Variants in DAB1 observed in about 807,000 individuals in gnomAD.
The protein encoded by DAB1 is disabled homolog 1.
Under a neutral mutation model 64.6 loss-of-function variants are expected in DAB1, and 15 were observed. That is an observed-to-expected ratio of 0.23 (90% CI 0.16 to 0.36). DAB1 has a LOEUF of 0.36. Ranked by LOEUF, DAB1 falls within the 10% of genes least tolerant of loss-of-function variation. DAB1 has a pLI of 1.00. For missense variants in DAB1, 596 were observed against 706.7 expected (o/e 0.84, Z 1.78); for synonymous variants, 235 against 251.9 (o/e 0.93, Z 0.64).
At chr1:58,542,101 C>T (rs755617281) in intron 1 of DAB1, among the ~76,000 whole-genome samples, 1 of 152,168 alleles carries the variant, frequency 6.6e-6, no homozygotes, top group Admixed American at 6.5e-5. Flanking sequence ...ACATCCTGCC[C>T]TTGCACTGTT....
chr1:58,431,472 C>T (rs146955023), intron 3 of DAB1, among the ~76,000 whole-genome samples: 1,481 of 147,304 alleles, frequency 0.01, 27 homozygotes, highest in African/African-American at 0.035. Flanking sequence ...GCAGGAGAAT[C>T]GCTTGAACCC....
intron 2 of DAB1, among the ~76,000 whole-genome samples, chr1:57,246,963 A>G (rs1324481890): frequency 6.6e-6 from 1 of 152,212 alleles, no homozygotes; most frequent in Non-Finnish European, 1.5e-5. Context: ...CCCCCATTGT[A>G]TCTTGGAAAT....
intron 5 of DAB1, among the ~76,000 whole-genome samples, chr1:58,037,882 G>A (rs1647070210): frequency 6.6e-6 from 1 of 152,112 alleles, no homozygotes; most frequent in Non-Finnish European, 1.5e-5. Context: ...CAGCTTCCAG[G>A]AAATCTGACT....
intron 4 of DAB1, among the ~76,000 whole-genome samples, chr1:58,221,449 T>C (rs1281475945): frequency 6.6e-6 from 1 of 152,142 alleles, no homozygotes. Context: ...GAAAGAACAG[T>C]CACTGGCACA....
chr1:58,358,914 C>T (rs1340684499), intron 3 of DAB1, among the ~76,000 whole-genome samples: 1 of 76,464 alleles, frequency 1.3e-5, no homozygotes, highest in African/African-American at 4.0e-5. Context: ...TGTCTCTCTC[C>T]CCCCCTTCCT....
rs140964860 is a variant in DAB1, at chr1:58,186,844, T to A, written n.310-36256A>T. 6.0e-3 allele frequency among the ~76,000 whole-genome samples: 920 copies of A among 152,322 alleles called. 9 individuals carry two copies. The highest frequency in any genetic ancestry group is 6.9e-3 in the Non-Finnish European group (468 of 68,026). On this transcript the variant is annotated intron_variant and non_coding_transcript_variant, in intron 4 of 20. Coordinates refer to the DAB1 transcript ENST00000485760. Reference sequence around the variant, plus strand: ...CATCTTCCAACATGCTGGACCAAGTTTGCTTTCATGATCATGGCAGAGGAC... The same window carrying A: ...CATCTTCCAACATGCTGGACCAAGTATGCTTTCATGATCATGGCAGAGGAC...
intron 2 of DAB1, among the ~76,000 whole-genome samples, chr1:57,261,309 T>A (rs1175987092): frequency 6.6e-6 from 1 of 152,104 alleles, no homozygotes. Context: ...CATCCAACAA[T>A]GAAATGTTTA....
At chr1:58,144,260 T>C (rs1175907140) in intron 5 of DAB1, among the ~76,000 whole-genome samples, 3 of 152,188 alleles carry the variant, frequency 2.0e-5, no homozygotes, top group South Asian at 4.1e-4. Context: ...TCATATAATA[T>C]TAAAAGCATG....
chr1:57,977,431 C>T lies in DAB1; in HGVS notation n.388-93269G>A, dbSNP rs146886542. ...TCATTTGTTTCCTTCAATTTGGGGCCAGGAAAGAATGGGTCCTACCCGCAA... is the reference window on the plus strand; with the variant it reads ...TCATTTGTTTCCTTCAATTTGGGGCTAGGAAAGAATGGGTCCTACCCGCAA... On this transcript the variant is annotated intron_variant and non_coding_transcript_variant, in intron 5 of 20. Coordinates refer to the DAB1 transcript ENST00000485760. Among the ~76,000 whole-genome samples the T allele has an allele frequency of 3.4e-4, 51 of 152,112 alleles. No individual in the cohort carries two copies. The East Asian group carries it at 6.6e-3, about 20-fold the overall frequency.
intron 7 of DAB1, among the ~76,000 whole-genome samples, chr1:57,623,397 A>T (rs988807498): frequency 6.6e-6 from 1 of 152,182 alleles, no homozygotes; most frequent in Non-Finnish European, 1.5e-5. Flanking sequence ...CTAGCACTTC[A>T]TTACAGTGCG....
At chr1:57,295,448 T>C (rs1258844767) in intron 1 of DAB1, among the ~76,000 whole-genome samples, 1 of 152,160 alleles carries the variant, frequency 6.6e-6, no homozygotes, top group Non-Finnish European at 1.5e-5. Context: ...ATCTTAGACT[T>C]AGCTTCATCC....
intron 1 of DAB1, among the ~76,000 whole-genome samples, chr1:57,832,773 G>A (rs1652646334): frequency 6.6e-6 from 1 of 152,168 alleles, no homozygotes; most frequent in Non-Finnish European, 1.5e-5. Context: ...CTGAGTCTTT[G>A]GTTATTCAAA....
At chr1:58,181,672 T>G (rs1656801156) in intron 4 of DAB1, among the ~76,000 whole-genome samples, 1 of 152,132 alleles carries the variant, frequency 6.6e-6, no homozygotes, top group Non-Finnish European at 1.5e-5. Context: ...AGATTAATAC[T>G]AAGTTACTTC....
chr1:58,421,162 T>G (rs988243809), intron 3 of DAB1, among the ~76,000 whole-genome samples: 2 of 152,224 alleles, frequency 1.3e-5, no homozygotes, highest in African/African-American at 4.8e-5. Flanking sequence ...GCTCTAATTA[T>G]GTGTCTATTA....
intron 9 of DAB1, among the ~76,000 whole-genome samples, chr1:57,052,764 A>G (rs1649319235): frequency 1.3e-5 from 2 of 152,210 alleles, no homozygotes; most frequent in African/African-American, 4.8e-5. Flanking sequence ...ACGATATAGG[A>G]ATACCTTATA....
At chr1:57,651,565 G>C (rs1646256388) in intron 6 of DAB1, among the ~76,000 whole-genome samples, 1 of 152,030 alleles carries the variant, frequency 6.6e-6, no homozygotes, top group Admixed American at 6.6e-5. Context: ...TAAGAGTTAG[G>C]TAACTTTGAA....
At chr1:57,913,655 G>A (rs1379556535) in intron 5 of DAB1, among the ~76,000 whole-genome samples, 3 of 152,102 alleles carry the variant, frequency 2.0e-5, no homozygotes, top group East Asian at 1.9e-4. Context: ...GAGTGAACAG[G>A]CAACCTACAG....
intron 6 of DAB1, among the ~76,000 whole-genome samples, chr1:57,691,458 G>A (rs1371229806): frequency 2.6e-5 from 4 of 152,010 alleles, no homozygotes; most frequent in Admixed American, 6.6e-5. Flanking sequence ...AGACAGCAGC[G>A]GCAACCTGCT....
intron 3 of DAB1, among the ~76,000 whole-genome samples, chr1:58,367,171 G>A (rs953031778): frequency 6.6e-5 from 10 of 152,148 alleles, no homozygotes; most frequent in African/African-American, 1.9e-4. Context: ...CACATACCTA[G>A]CATGGACAAG....
Sources: allele counts gnomAD v4.1 joint callset (sites outside exome capture counted in the v4.1 genomes callset), GRCh38; gene constraint gnomAD v4.1.1; transcripts MANE v1.5; gene names NCBI Gene and HGNC (gene_info 2026-07-23, HGNC 2026-07-21).